The following ALK variants were observed in gnomAD, a reference collection of about 807,000 sequenced individuals.
The protein encoded by ALK is ALK tyrosine kinase receptor.
ALK carries 74 observed loss-of-function variants against 163.1 expected under a neutral mutation model. The ratio of observed to expected loss-of-function variants is 0.45; its 90% CI spans 0.38 to 0.55. The LOEUF is 0.55. ALK is among the 20% of genes least tolerant of loss of function. The pLI is 0.00. For missense variants in ALK, 2,063 were observed against 2,105.3 expected (o/e 0.98, Z 0.39); for synonymous variants, 960 against 843.2 (o/e 1.14, Z -2.40).
intron 5 of ALK, among the ~76,000 whole-genome samples, chr2:29,341,045 T>A (rs918671417): frequency 6.6e-6 from 1 of 152,204 alleles, no homozygotes; most frequent in Admixed American, 6.5e-5. Context: ...GGAATCACAA[T>A]AAAAGTTTCT....
rs138497741 is a variant in ALK, at chr2:29,857,383, G to A, written c.667+62610C>T. Reference sequence around the variant, plus strand: ...AGGGGATTCCAGTTAATATGTTTCAGTGGCCAAAAATGTTGGAAAGAAAAA... The same window carrying A: ...AGGGGATTCCAGTTAATATGTTTCAATGGCCAAAAATGTTGGAAAGAAAAA... On this transcript the variant is annotated intron_variant, in intron 1 of 28. Coordinates refer to ENST00000389048, the MANE Select transcript of ALK (RefSeq NM_004304.5). 1.7e-3 allele frequency among the ~76,000 whole-genome samples: 254 copies of A among 152,196 alleles called. 2 individuals carry two copies. Among genetic ancestry groups the A allele is most frequent in the African/African-American group, 5.8e-3 (242 of 41,526 alleles).
At chr2:29,704,284 C>T (rs1350715181) in intron 2 of ALK, among the ~76,000 whole-genome samples, 2 of 152,188 alleles carry the variant, frequency 1.3e-5, no homozygotes, top group African/African-American at 4.8e-5. Context: ...GGCCACTAAT[C>T]TTGAGGCACA....
chr2:29,501,346 G>T (rs1672170537), intron 4 of ALK, among the ~76,000 whole-genome samples: 1 of 152,172 alleles, frequency 6.6e-6, no homozygotes, highest in South Asian at 2.1e-4. Context: ...TCTACCAGAG[G>T]TCATCTGTTA....
At chr2:29,753,477 T>TGC (rs1330504074) in intron 1 of ALK, among the ~76,000 whole-genome samples, 7 of 152,224 alleles carry the variant, frequency 4.6e-5, no homozygotes. Context: ...CTCTTAAGCC[T>TGC]GGTCTCCGTC....
chr2:29,868,350 G>A (rs1666493225), intron 1 of ALK, among the ~76,000 whole-genome samples: 1 of 152,202 alleles, frequency 6.6e-6, no homozygotes, highest in Admixed American at 6.5e-5. Flanking sequence ...TCCATGAACA[G>A]AACAGACAAA....
chr2:29,319,770 C>A lies in ALK; in HGVS notation c.1546+981G>T, dbSNP rs146404418. On this transcript the variant is annotated intron_variant, in intron 7 of 28. Coordinates refer to ENST00000389048, the MANE Select transcript of ALK (RefSeq NM_004304.5). ...GGGAACAGAGACATGAAGGGCACAT[C>A]CAGCTTGGAACTCCATTTCTCTCCT... Among the ~76,000 whole-genome samples the A allele has an allele frequency of 2.0e-5, 3 of 152,350 alleles. No homozygotes were observed. The East Asian group carries it at 5.8e-4, about 29-fold the overall frequency.
At chr2:29,332,372 G>A (rs1388805896) in intron 5 of ALK, among the ~76,000 whole-genome samples, 1 of 128,430 alleles carries the variant, frequency 7.8e-6, no homozygotes, top group Non-Finnish European at 1.6e-5. Flanking sequence ...GGCTATGTCT[G>A]TTTCATCCAC....
chr2:29,662,156 C>T (rs1016014028), intron 3 of ALK, among the ~76,000 whole-genome samples: 2 of 152,076 alleles, frequency 1.3e-5, no homozygotes, highest in Non-Finnish European at 2.9e-5. Flanking sequence ...AGGCAATCTG[C>T]CCACCTCGGC....
chr2:29,617,109 G>C (rs1054405422), intron 3 of ALK, among the ~76,000 whole-genome samples: 1 of 152,140 alleles, frequency 6.6e-6, no homozygotes, highest in African/African-American at 2.4e-5. Context: ...GTCCATGCTG[G>C]AAACTGTCTC....
At chr2:29,915,576 C>T (rs552252878) in intron 1 of ALK, among the ~76,000 whole-genome samples, 1 of 152,270 alleles carries the variant, frequency 6.6e-6, no homozygotes, top group South Asian at 2.1e-4. Flanking sequence ...CACAAAAACC[C>T]CTCATGGACC....
chr2:29,359,072 A>C (rs1668324956), intron 5 of ALK, among the ~76,000 whole-genome samples: 1 of 151,028 alleles, frequency 6.6e-6, no homozygotes, highest in South Asian at 2.1e-4. Context: ...AAGAAGGTAG[A>C]TCTCATGTGA....
chr2:29,856,424 G>A (rs779478384), intron 1 of ALK, among the ~76,000 whole-genome samples: 1 of 152,212 alleles, frequency 6.6e-6, no homozygotes, highest in East Asian at 1.9e-4. Flanking sequence ...AGCAGCTAAT[G>A]TGTACCAGGT....
chr2:29,727,772 CTA>C, intron 1 of ALK, among the ~76,000 whole-genome samples: 1 of 152,194 alleles, frequency 6.6e-6, no homozygotes, highest in Non-Finnish European at 1.5e-5. Context: ...TACTCTGGTG[CTA>C]TGTCACCTTT....
rs553174834 is a variant in ALK, at chr2:29,227,315, C to T, written c.2915-241G>A. On this transcript the variant is annotated intron_variant, in intron 17 of 28. Coordinates refer to ENST00000389048, the MANE Select transcript of ALK (RefSeq NM_004304.5). This position sits in a 1 kb window ranked among gnomAD's most constrained non-coding sequence, Gnocchi z 4.4. ...TGAGTCAGTGGTGGAGAGAAGCCCA[C>T]GCACATGATCTTTAGGTTGGCTGGT... Among the ~76,000 whole-genome samples, 22 of 152,312 alleles carry T rather than the reference C, an allele frequency of 1.4e-4. No homozygotes were observed. The highest frequency in any genetic ancestry group is 4.8e-4 in the African/African-American group (20 of 41,560).
At chr2:29,333,444 T>C (rs1214263903) in intron 5 of ALK, among the ~76,000 whole-genome samples, 1 of 152,238 alleles carries the variant, frequency 6.6e-6, no homozygotes. Flanking sequence ...AGCTTTTTTT[T>C]CTTTCCAAAT....
At chr2:29,501,788 A>T (rs915636263) in intron 4 of ALK, among the ~76,000 whole-genome samples, 4 of 152,214 alleles carry the variant, frequency 2.6e-5, no homozygotes, top group African/African-American at 9.6e-5. Context: ...ACTGCCATCC[A>T]TCTCTAGAAC....
chr2:29,640,996 T>C (rs1311373994), intron 3 of ALK, among the ~76,000 whole-genome samples: 1 of 152,106 alleles, frequency 6.6e-6, no homozygotes, highest in South Asian at 2.1e-4. Flanking sequence ...AAACTGGAGA[T>C]GTCGGGACAT....
intron 3 of ALK, among the ~76,000 whole-genome samples, chr2:29,534,298 A>T (rs1367395416): frequency 6.6e-6 from 1 of 152,188 alleles, no homozygotes; most frequent in Non-Finnish European, 1.5e-5. Context: ...GAATGTGACT[A>T]AATGCAAATT....
chr2:29,518,933 G>A (rs986699336), intron 4 of ALK, among the ~76,000 whole-genome samples: 2 of 152,104 alleles, frequency 1.3e-5, no homozygotes, highest in African/African-American at 4.8e-5. Flanking sequence ...TACTTCATAG[G>A]GAAACTGTAG....
Sources: gnomAD v4.1 joint callset for allele counts (sites outside exome capture counted in the v4.1 genomes callset) on GRCh38, gnomAD v4.1.1 for gene constraint, Gnocchi (gnomAD v3.1) non-coding constraint, MANE v1.5 for transcripts, NCBI Gene and HGNC (gene_info 2026-07-23, HGNC 2026-07-21) for gene names.